Variants in ASCC3 observed in about 807,000 individuals in gnomAD.
The protein encoded by ASCC3 is activating signal cointegrator 1 complex subunit 3.
In ASCC3, 158 loss-of-function variants were observed where a neutral mutation model predicts 256.3. The ratio of observed to expected loss-of-function variants is 0.62; its 90% confidence interval spans 0.54 to 0.70. The LOEUF (loss-of-function observed/expected upper bound fraction) is 0.70, where lower values mean the gene tolerates loss of function less well. Ranked by LOEUF, ASCC3 falls within the 30% of genes least tolerant of loss-of-function variation. ASCC3 has a pLI of 0.00. For synonymous variants in ASCC3, 948 were observed against 883.4 expected, an observed-to-expected ratio of 1.07 and a Z score of -1.30; for missense variants, 2,259 against 2,626.0, an observed-to-expected ratio of 0.86 and a Z score of 3.05.
At chr6:100,777,756 A>G (rs1430401348) in intron 8 of ASCC3, among the ~76,000 whole-genome samples, 1 of 152,158 alleles carries the variant, frequency 6.6e-6, no homozygotes, top group Non-Finnish European at 1.5e-5. Flanking sequence ...TACAGAGATT[A>G]GAGTGGCTGA....
chr6:100,633,815 G>C (rs979011664), intron 25 of ASCC3, among the ~76,000 whole-genome samples: 1 of 151,626 alleles, frequency 6.6e-6, no homozygotes, highest in Admixed American at 6.6e-5. Flanking sequence ...TGGAGGTTGC[G>C]GTAAGCCGAG....
intron 14 of ASCC3, among the ~76,000 whole-genome samples, chr6:100,663,211 T>C (rs754144705): frequency 2.0e-5 from 3 of 152,114 alleles, no homozygotes; most frequent in Admixed American, 1.3e-4. Context: ...TCCTCAACTA[T>C]AGATGTGCAT....
intron 39 of ASCC3, among the ~76,000 whole-genome samples, chr6:100,514,507 A>C (rs928280149): frequency 6.6e-6 from 1 of 152,094 alleles, no homozygotes; most frequent in Non-Finnish European, 1.5e-5. Context: ...TTACTTTACA[A>C]AGTCCCCAAA....
At chr6:100,759,995 C>T (rs1156818283) in intron 10 of ASCC3, among the ~76,000 whole-genome samples, 1 of 152,008 alleles carries the variant, frequency 6.6e-6, no homozygotes, top group African/African-American at 2.4e-5. Flanking sequence ...TCTTTGCACA[C>T]TAATTTTTGT....
intron 10 of ASCC3, among the ~76,000 whole-genome samples, chr6:100,763,204 C>G (rs1372099041): frequency 6.6e-6 from 1 of 152,138 alleles, no homozygotes; most frequent in African/African-American, 2.4e-5. Context: ...CTGTAAGAAT[C>G]TGTGAGAAGG....
At chr6:100,838,960 T>C (rs925031414) in intron 4 of ASCC3, among the ~76,000 whole-genome samples, 5 of 152,106 alleles carry the variant, frequency 3.3e-5, no homozygotes, top group Non-Finnish European at 5.9e-5. Flanking sequence ...ACCATACTTA[T>C]TTATGTTTAC....
chr6:100,740,363 A>G (rs6927313), intron 10 of ASCC3, among the ~76,000 whole-genome samples: 7,413 of 152,288 alleles, frequency 0.049, 206 homozygotes, highest in African/African-American at 0.062. Flanking sequence ...TATGTGATCA[A>G]TTTTAGAGTA....
intron 4 of ASCC3, among the ~76,000 whole-genome samples, chr6:100,817,148 T>TGTTG (rs1229985148): frequency 6.6e-6 from 1 of 151,954 alleles, no homozygotes; most frequent in Non-Finnish European, 1.5e-5. Flanking sequence ...AAAGTATGTT[T>TGTTG]TCCAACTACA....
chr6:100,648,299 G>T (rs1287744062), intron 20 of ASCC3, among the ~76,000 whole-genome samples: 5 of 152,026 alleles, frequency 3.3e-5, no homozygotes, highest in Admixed American at 3.3e-4. Flanking sequence ...CATTAACTTT[G>T]CAGATTGTTT....
intron 36 of ASCC3, among the ~76,000 whole-genome samples, chr6:100,541,090 TTC>T (rs767532339): frequency 4.8e-4 from 73 of 152,080 alleles, no homozygotes; most frequent in Non-Finnish European, 7.9e-4. Context: ...ACTAGAACTG[TTC>T]TGTTAAAAAA....
intron 8 of ASCC3, among the ~76,000 whole-genome samples, chr6:100,770,977 A>C (rs1781890656): frequency 6.6e-6 from 1 of 152,098 alleles, no homozygotes; most frequent in African/African-American, 2.4e-5. Flanking sequence ...AGAAGGAACA[A>C]AACAACTTTG....
At chr6:100,695,373 C>T (rs2114990507) in intron 13 of ASCC3, among the ~76,000 whole-genome samples, 1 of 152,196 alleles carries the variant, frequency 6.6e-6, no homozygotes, top group African/African-American at 2.4e-5. Flanking sequence ...CAAAAATCAT[C>T]AACAAAATAC....
intron 34 of ASCC3, among the ~76,000 whole-genome samples, chr6:100,593,447 C>T (rs1772108416): frequency 6.6e-6 from 1 of 152,062 alleles, no homozygotes; most frequent in Non-Finnish European, 1.5e-5. Flanking sequence ...AACAAGAATA[C>T]TACATATGAA....
At chr6:100,794,490 G>T (rs1405790872) in intron 8 of ASCC3, among the ~76,000 whole-genome samples, 1 of 151,982 alleles carries the variant, frequency 6.6e-6, no homozygotes, top group Non-Finnish European at 1.5e-5. Context: ...GATCTCTTTA[G>T]TCTGCCTTTT....
chr6:100,588,545 A>AT (rs1562143733), intron 36 of ASCC3, among the ~76,000 whole-genome samples: 3 of 152,136 alleles, frequency 2.0e-5, no homozygotes, highest in South Asian at 2.1e-4. Flanking sequence ...CTTAAAAAAT[A>AT]TTTTTTGGTA....
At chr6:100,601,780 A>C (rs1456075169) in intron 34 of ASCC3, 30 bp downstream of exon 34, 1 of 1,609,744 alleles carries the variant, frequency 6.2e-7, no homozygotes, top group Non-Finnish European at 8.5e-7. Flanking sequence ...GGGGCAAAAC[A>C]GAAAGGTATA....
intron 4 of ASCC3, among the ~76,000 whole-genome samples, chr6:100,814,227 TGTGATGAATTAC>T (rs1230293200): frequency 6.6e-6 from 1 of 152,214 alleles, no homozygotes; most frequent in Admixed American, 6.5e-5. Context: ...GTTCTGTTTT[TGTGATGAATTAC>T]GTTTATTGAT....
At chr6:100,828,401 G>A (rs1205988647) in intron 4 of ASCC3, among the ~76,000 whole-genome samples, 1 of 152,134 alleles carries the variant, frequency 6.6e-6, no homozygotes, top group Admixed American at 6.5e-5. Context: ...CTTCCAGTGG[G>A]TGTCTGAAAA....
At chr6:100,705,369 A>C (rs1264871528) in intron 13 of ASCC3, among the ~76,000 whole-genome samples, 1 of 152,050 alleles carries the variant, frequency 6.6e-6, no homozygotes, top group African/African-American at 2.4e-5. Context: ...TTGAACAAGA[A>C]ATTTGTTTTA....
Sources: gnomAD v4.1 joint callset for allele counts (sites outside exome capture counted in the v4.1 genomes callset) on GRCh38, gnomAD v4.1.1 for gene constraint, MANE v1.5 for transcripts, NCBI Gene and HGNC (gene_info 2026-07-23, HGNC 2026-07-21) for gene names.